ADCY7: variants seen among roughly 807,000 people sequenced by gnomAD.
ADCY7 encodes adenylate cyclase 7.
In ADCY7, 72 loss-of-function variants were observed where a neutral mutation model predicts 120.6. The ratio of observed to expected loss-of-function variants is 0.60; its 90% confidence interval spans 0.49 to 0.73. The LOEUF is 0.73. Ranked by LOEUF, ADCY7 falls within the 30% of genes least tolerant of loss-of-function variation. The pLI is 0.00. For synonymous variants in ADCY7, 661 were observed against 628.0 expected, an observed-to-expected ratio of 1.05 and a Z score of -0.78; for missense variants, 1,227 against 1,486.0, an observed-to-expected ratio of 0.83 and a Z score of 2.87.
chr16:50,264,673 C>T (rs2033144929), upstream of ADCY7, among the ~76,000 whole-genome samples: 1 of 152,090 alleles, frequency 6.6e-6, no homozygotes, highest in Non-Finnish European at 1.5e-5. Context: ...ACAGTGGAAT[C>T]TCTATATGGT....
chr16:50,311,799 G>GCC lies in ADCY7; in HGVS notation c.2448+28_2448+29dup, dbSNP rs376981269. 924 of 894,938 alleles carry GCC rather than the reference G, an allele frequency of 1.0e-3. 1 individual carries two copies. The highest frequency in any genetic ancestry group is 5.7e-3 in the East Asian group (123 of 21,460). The allele number at this position is 894,938 out of a possible 1,614,324, so 55.4% of individuals were successfully genotyped here. On this transcript the variant is annotated intron_variant, in intron 20 of 25. Transcript: ENST00000673801. ...ACTCTCCAGACAGGTAAGGAGGCTGGCCCCCCCCCCCCCCCCAAGCTCTGC... is the reference window on the plus strand; with the variant it reads ...ACTCTCCAGACAGGTAAGGAGGCTGGCCCCCCCCCCCCCCCCCCAAGCTCTGC...
chr16:50,316,328 AG>A lies in ADCY7; in HGVS notation c.*825del, dbSNP rs1258002536. On this transcript the variant is annotated 3_prime_UTR_variant, in exon 26 of 26. Coordinates refer to ENST00000673801, the MANE Select transcript of ADCY7 (RefSeq NM_001114.5). ...AGCAGCAGAGCCTTGCCTTTGAATG[AG>A]GCAGCTTGTGAGGCAAGCATTCTGG... 4 of 152,514 alleles carry A rather than the reference AG, an allele frequency of 2.6e-5. No homozygotes were observed. Among genetic ancestry groups the A allele is most frequent in the African/African-American group, 9.6e-5 (4 of 41,574 alleles). 9.4% of individuals were successfully genotyped at this position (152,514 alleles called of 1,614,324 possible). A position where few individuals can be genotyped will look rare whatever the true frequency, so the allele number is the denominator to read the frequency against.
At chr16:50,292,930 A>G in intron 5 of ADCY7, 105 bp downstream of exon 5, 1 of 1,437,646 alleles carries the variant, frequency 7.0e-7, no homozygotes, top group Non-Finnish European at 9.5e-7. Context: ...GCATGGCCAG[A>G]CACCCATGCA....
At chr16:50,245,936 C>T (rs2032566706), upstream of ADCY7, among the ~76,000 whole-genome samples, 1 of 137,774 alleles carries the variant, frequency 7.3e-6, no homozygotes. Context: ...AGCGCCTTTC[C>T]CACGGTTCTA....
chr16:50,299,131 T>C, intron 8 of ADCY7, 100 bp downstream of exon 8: 1 of 1,421,488 alleles, frequency 7.0e-7, no homozygotes, highest in Non-Finnish European at 9.3e-7. Context: ...ATGGGGAAAC[T>C]GAGGCTCGGG....
chr16:50,298,867 C>G (rs763569310), intron 7 of ADCY7, 37 bp from the exon 8 acceptor site: 8 of 1,598,252 alleles, frequency 5.0e-6, no homozygotes, highest in Non-Finnish European at 6.8e-6. Context: ...CCCAGCCCCA[C>G]ATCTTCCAGT....
intron 4 of ADCY7, among the ~76,000 whole-genome samples, chr16:50,292,236 G>A (rs1262703015): frequency 6.6e-6 from 1 of 152,238 alleles, no homozygotes; most frequent in Non-Finnish European, 1.5e-5. Flanking sequence ...GCTTGGGGGA[G>A]TACCCCAGGG....
Position 50,292,758 on chromosome 16 carries a change from A to G in ADCY7, c.620A>G (p.Asp207Gly). Residue 207 changes from aspartate to glycine, a missense_variant, in exon 5 of 26, where the codon GAC becomes GGC. Physicochemically the swap from Asp to Gly is moderately conservative, Grantham distance 94. Transcript: ENST00000673801. ...HKHQMQDASR[D>G]LFTYTVKCIQ... ...CACCAAATGCAGGATGCATCCCGGGACCTCTTCACCTACACTGTGAAGTGC... is the reference window on the plus strand; with the variant it reads ...CACCAAATGCAGGATGCATCCCGGGGCCTCTTCACCTACACTGTGAAGTGC... 3 of 1,613,680 alleles carry G rather than the reference A, an allele frequency of 1.9e-6. No homozygotes were observed. The highest frequency in any genetic ancestry group is 1.7e-6 in the Non-Finnish European group (2 of 1,179,908).
intron 3 of ADCY7, among the ~76,000 whole-genome samples, 200 bp downstream of exon 3, chr16:50,290,860 C>G (rs1333317350): frequency 6.6e-6 from 1 of 152,186 alleles, no homozygotes; most frequent in African/African-American, 2.4e-5. Context: ...TGGGCTGCAG[C>G]ACTTTTGGGT....
At chr16:50,279,945 A>G (rs549731349) in intron 1 of ADCY7, among the ~76,000 whole-genome samples, 3 of 152,214 alleles carry the variant, frequency 2.0e-5, no homozygotes, top group Admixed American at 6.5e-5. Context: ...TAACAAGATG[A>G]TGCTGGCCTC....
intron 8 of ADCY7, among the ~76,000 whole-genome samples, chr16:50,299,642 T>TCTC (rs2035587636): frequency 6.6e-6 from 1 of 152,188 alleles, no homozygotes; most frequent in African/African-American, 2.4e-5. Flanking sequence ...AGCCTGTCCT[T>TCTC]CTCCTGAAGT....
In ADCY7 at chr16:50,310,816, T is replaced by A. The variant is rs773039330; in HGVS notation, c.2290T>A (p.Cys764Ser). 6.2e-7 allele frequency: 1 copy of A among 1,613,966 alleles called. No individual in the cohort carries two copies. The highest frequency in any genetic ancestry group is 8.5e-7 in the Non-Finnish European group (1 of 1,179,946). ...AYLVLFNLSP[C>S]WQWDCCGQGL... Reference sequence around the variant, plus strand: ...CCTGGTGCTCTTCAACCTCTCCCCATGCTGGCAGTGGGACTGCTGCGGCCA... The same window carrying A: ...CCTGGTGCTCTTCAACCTCTCCCCAAGCTGGCAGTGGGACTGCTGCGGCCA... Residue 764 changes from cysteine to serine, a missense_variant, in exon 19 of 26, where the codon TGC becomes AGC. By Grantham distance (112) the Cys-to-Ser change is moderately radical. Transcript: ENST00000673801.
At chr16:50,281,376 T>TGGCAGGTAAGGCAGGTGC (rs1567544397) in intron 1 of ADCY7, among the ~76,000 whole-genome samples, 1 of 126,936 alleles carries the variant, frequency 7.9e-6, no homozygotes, top group African/African-American at 2.7e-5. Context: ...AGGTGTGCTG[T>TGGCAGGTAAGGCAGGTGC]GGCAGGTAAG....
At chr16:50,260,319 T>C (rs949351335) in intron 1 of ADCY7, among the ~76,000 whole-genome samples, 1 of 152,196 alleles carries the variant, frequency 6.6e-6, no homozygotes, top group African/African-American at 2.4e-5. Context: ...GGGAGGGTGC[T>C]GCATGAATAA....
intron 7 of ADCY7, among the ~76,000 whole-genome samples, chr16:50,296,731 TG>T (rs2035380718): frequency 6.6e-6 from 1 of 152,190 alleles, no homozygotes; most frequent in Non-Finnish European, 1.5e-5. Flanking sequence ...AGGCAAGTTA[TG>T]ACTTCACACT....
At chr16:50,288,737 C>G (rs1028055004) in intron 2 of ADCY7, among the ~76,000 whole-genome samples, 1 of 152,172 alleles carries the variant, frequency 6.6e-6, no homozygotes, top group Non-Finnish European at 1.5e-5. Flanking sequence ...TTCGGCCCCC[C>G]AAAGTGCTGG....
intron 3 of ADCY7, 104 bp from the exon 4 acceptor site, chr16:50,291,632 C>A: frequency 1.4e-6 from 2 of 1,405,558 alleles, no homozygotes; most frequent in Admixed American, 1.9e-5. Context: ...AGGGAGCCAA[C>A]CTAAGGATAC....
chr16:50,310,694 C>T lies in ADCY7; in HGVS notation c.2168C>T (p.Thr723Ile), dbSNP rs2036401279. The change falls in exon 19 of 26, where the codon ACC becomes ATC. Residue 723 changes from threonine (T) to isoleucine (I), a missense_variant. Around this residue, in one of 5 missense-constraint regions of ADCY7, gnomAD observed 267 missense variants for 270.0 expected, o/e 0.99. Transcript: ENST00000673801. ...GACACCCTGCCCCCTCAGTACTACA[C>T]CTGCAGCTGTGTCCTGGGCTTCATC... is the stretch of plus-strand genomic sequence containing the variant. ...RALCEPLPYY[T>I]CSCVLGFIAC... The T allele has an allele frequency of 1.9e-6, 3 of 1,613,834 alleles. No individual in the cohort carries two copies. Among genetic ancestry groups the T allele is most frequent in the African/African-American group, 2.7e-5 (2 of 75,022 alleles).
rs1596810947 is a variant in ADCY7 at position 50,266,688 on chromosome 16, T to G, written c.-269+8T>G. Reference sequence around the variant, plus strand: ...GCCGGGGAGGAGAGCCAGGTAAAAGTGGGGTGTGGGGATGGAGTGTCACCA... The same window carrying G: ...GCCGGGGAGGAGAGCCAGGTAAAAGGGGGGTGTGGGGATGGAGTGTCACCA... On this transcript the variant is annotated splice_region_variant and intron_variant, in intron 1 of 25. Coordinates refer to ENST00000673801, the MANE Select transcript of ADCY7 (RefSeq NM_001114.5). The G allele has an allele frequency of 6.6e-6, 1 of 152,552 alleles. No individual in the cohort carries two copies. Among genetic ancestry groups the G allele is most frequent in the South Asian group, 2.0e-4 (1 of 5,000 alleles). The allele number at this position is 152,552 out of a possible 1,614,324, so 9.4% of individuals were successfully genotyped here.
Sources: gnomAD v4.1 joint callset for allele counts (sites outside exome capture counted in the v4.1 genomes callset) on GRCh38, gnomAD v4.1.1 for gene constraint, gnomAD v4.1.1 regional missense constraint, MANE v1.5 for transcripts, NCBI Gene and HGNC (gene_info 2026-07-23, HGNC 2026-07-21) for gene names.